RECQL5: variants seen among roughly 807,000 people sequenced by gnomAD.
RECQL5 encodes RecQ like helicase 5, also known as ATP-dependent DNA helicase Q5.
In RECQL5, 88 loss-of-function variants were observed where a neutral mutation model predicts 103.4. That is an observed-to-expected ratio of 0.85 (90% CI 0.72 to 1.02). The LOEUF is 1.02. Ranked by LOEUF, RECQL5 falls within the 50% of genes least tolerant of loss-of-function variation. The pLI is 0.00. For missense variants in RECQL5, 1,232 were observed against 1,284.3 expected (o/e 0.96, Z 0.62); for synonymous variants, 552 against 507.9 (o/e 1.09, Z -1.17).
At chr17:75,633,697 GT>G (rs1348437014) in intron 8 of RECQL5, 19 of 1,135,076 alleles carry the variant, frequency 1.7e-5, no homozygotes, top group Non-Finnish European at 4.4e-6. Context: ...GACAGAAGGG[GT>G]GGCCTTCCTG....
chr17:75,658,187 G>A (rs1291376441), intron 7 of RECQL5, 111 bp downstream of exon 7: 1 of 1,166,758 alleles, frequency 8.6e-7, no homozygotes. Context: ...CTTACAGGTT[G>A]GGAGCAGCCT....
Position 75,640,309 on chromosome 17 carries a change from AGT to A in RECQL5, c.1230-8643_1230-8642del. 1 of 1,549,516 alleles carries A rather than the reference AGT, an allele frequency of 6.5e-7. No individual in the cohort carries two copies. Among genetic ancestry groups the A allele is most frequent in the Non-Finnish European group, 8.7e-7 (1 of 1,146,046 alleles). On this transcript the variant is annotated intron_variant, in intron 8 of 19. Transcript: ENST00000317905. The surrounding 1 kb of genome is among the most constrained non-coding windows in gnomAD (Gnocchi z 4.6). The stretch of plus-strand genomic sequence containing the variant: ...AGCCCGTGGAGATCGTGGCCTTCTC[AGT>A]CATCATCCTTTTCACAGGTTAGTTG...
intron 5 of RECQL5, 97 bp downstream of exon 5, chr17:75,661,509 T>C: frequency 1.2e-6 from 1 of 809,546 alleles, no homozygotes; most frequent in South Asian, 1.5e-5. Flanking sequence ...TGCAATAAGA[T>C]GGTGGGTCAC....
chr17:75,636,380 G>A lies in RECQL5; in HGVS notation c.1230-4712C>T, dbSNP rs2148266682. On this transcript the variant is annotated intron_variant, in intron 8 of 19. Transcript: ENST00000317905. The surrounding 1 kb of genome is among the most constrained non-coding windows in gnomAD (Gnocchi z 5.4). Reference sequence around the variant, plus strand: ...TGGGTGAACCTGAGATAGAAAGACGGGAAAAATATGGGATCATCAGTAGCC... The same window carrying A: ...TGGGTGAACCTGAGATAGAAAGACGAGAAAAATATGGGATCATCAGTAGCC... Among the ~76,000 whole-genome samples, 1 of 152,300 alleles carries A rather than the reference G, an allele frequency of 6.6e-6. No homozygotes were observed. The highest frequency in any genetic ancestry group is 1.9e-4 in the East Asian group (1 of 5,192).
Position 75,628,245 on chromosome 17 carries a change from G to A in RECQL5, c.2778C>T (p.Phe926=). 2 of 1,614,170 alleles carry A rather than the reference G, an allele frequency of 1.2e-6. No homozygotes were observed. The highest frequency in any genetic ancestry group is 1.7e-6 in the Non-Finnish European group (2 of 1,180,030). The change falls in exon 18 of 20, where the codon TTC becomes TTT. Residue 926 remains phenylalanine (F), a synonymous_variant. Coordinates refer to ENST00000317905, the MANE Select transcript of RECQL5 (RefSeq NM_004259.7). The stretch of plus-strand genomic sequence containing the variant: ...TGGAAGCAAACTTGCCCTCCTTGTA[G>A]AAAGGGGTGAGGCACTTGACCACAA... The part of the protein sequence containing the change: ...ANVVVKCLTP[F]YKEGKFASKE...
chr17:75,640,960 C>A lies in RECQL5; in HGVS notation c.1230-9292G>T. ...TGGCCAATGCCATGACACAGGCCATCAGCCTGGCCCTGCAGCCCTTACCCC... is the reference window on the plus strand; with the variant it reads ...TGGCCAATGCCATGACACAGGCCATAAGCCTGGCCCTGCAGCCCTTACCCC... On this transcript the variant is annotated intron_variant, in intron 8 of 19. Transcript: ENST00000317905. The surrounding 1 kb of genome is among the most constrained non-coding windows in gnomAD (Gnocchi z 4.6). 1 of 1,524,200 alleles carries A rather than the reference C, an allele frequency of 6.6e-7. No homozygotes were observed. The highest frequency in any genetic ancestry group is 1.2e-5 in the South Asian group (1 of 83,300). 94.4% of individuals were successfully genotyped at this position (1,524,200 alleles called of 1,614,324 possible).
chr17:75,662,679 G>A lies in RECQL5; in HGVS notation c.571C>T (p.Leu191=), dbSNP rs1223702773. 6.2e-7 allele frequency: 1 copy of A among 1,614,092 alleles called. No homozygotes were observed. The highest frequency in any genetic ancestry group is 8.5e-7 in the Non-Finnish European group (1 of 1,180,030). The change falls in exon 4 of 20, where the codon CTG becomes TTG. Residue 191 remains leucine, a synonymous_variant. Coordinates refer to ENST00000317905, the MANE Select transcript of RECQL5 (RefSeq NM_004259.7). ...SRLGHAPCVA[L]TATATPQVQE... is the part of the protein sequence containing the mutation. ...ACCTGTGGGGTGGCTGTGGCGGTCA[G>A]AGCCACACAAGGGGCATGTCCCAGG...
In RECQL5 at chr17:75,629,427, A is replaced by G. The variant is rs760506804; in HGVS notation, c.1996T>C (p.Phe666Leu). 2.0e-6 allele frequency: 3 copies of G among 1,506,040 alleles called. No individual in the cohort carries two copies. Among genetic ancestry groups the G allele is most frequent in the Non-Finnish European group, 2.7e-6 (3 of 1,128,164 alleles). The allele number at this position is 1,506,040 out of a possible 1,614,324, so 93.3% of individuals were successfully genotyped here. ...GAGFPKGSCP[F>L]QTATELMETT... Reference sequence around the variant, plus strand: ...TCCATCAGTTCCGTGGCCGTCTGGAACGGGCAGGAGCCTTTGGGGAAACCA... The same window carrying G: ...TCCATCAGTTCCGTGGCCGTCTGGAGCGGGCAGGAGCCTTTGGGGAAACCA... Residue 666 changes from phenylalanine (F) to leucine (L), a missense_variant, in exon 16 of 20, where the codon TTC (phenylalanine) becomes CTC (leucine). Phe to Leu is a conservative substitution (Grantham distance 22). Transcript: ENST00000317905.
intron 7 of RECQL5, among the ~76,000 whole-genome samples, chr17:75,657,696 T>C (rs1302486748): frequency 4.1e-5 from 6 of 144,940 alleles, no homozygotes; most frequent in Non-Finnish European, 7.5e-5. Flanking sequence ...CTGTGAACCA[T>C]GACTATGCTA....
Position 75,628,305 on chromosome 17 carries a change from G to T in RECQL5, c.2718C>A (p.Ser906=). 2 of 1,614,154 alleles carry T rather than the reference G, an allele frequency of 1.2e-6. No individual in the cohort carries two copies. The highest frequency in any genetic ancestry group is 1.7e-6 in the Non-Finnish European group (2 of 1,180,036). Reference sequence around the variant, plus strand: ...CCTCCTTCAAGGAGACGCCAGGAGCGGAGAGCTGGAAGGGGTCTTGAGCCG... The same window carrying T: ...CCTCCTTCAAGGAGACGCCAGGAGCTGAGAGCTGGAAGGGGTCTTGAGCCG... ...NPTAQDPFQL[S]APGVSLKEAA... The change falls in exon 18 of 20, where the codon TCC becomes TCA. Residue 906 remains serine, a synonymous_variant. Coordinates refer to ENST00000317905, the MANE Select transcript of RECQL5 (RefSeq NM_004259.7).
chr17:75,655,637 T>C (rs1028803517), intron 7 of RECQL5, among the ~76,000 whole-genome samples: 4 of 152,210 alleles, frequency 2.6e-5, no homozygotes, highest in Admixed American at 2.6e-4. Context: ...GTGCTGGGAT[T>C]ACAGGCGTGA....
Position 75,662,107 on chromosome 17 carries a change from G to T in RECQL5, c.771+372C>A, listed in dbSNP as rs569740475. Among the ~76,000 whole-genome samples the T allele has an allele frequency of 2.6e-5, 4 of 152,192 alleles. No homozygotes were observed. The East Asian group carries it at 7.7e-4, about 29-fold the overall frequency. On this transcript the variant is annotated intron_variant, in intron 4 of 19. Transcript: ENST00000317905. ...ACCCAGGAGGCGGAGGTTGCGGTGA[G>T]CCAAGATTGCGCCATTGCACTCCAG...
At chr17:75,665,280 A>C (rs892724243) in intron 2 of RECQL5, 108 bp from the exon 3 acceptor site, 1 of 996,516 alleles carries the variant, frequency 1.0e-6, no homozygotes. Context: ...TGTCTGGCAC[A>C]TGGGAGGGTC....
rs1232758901 is a variant in RECQL5 at position 75,640,432 on chromosome 17, A to C, written c.1230-8764T>G. 7.0e-7 allele frequency: 1 copy of C among 1,433,442 alleles called. No homozygotes were observed. The highest frequency in any genetic ancestry group is 1.4e-5 in the African/African-American group (1 of 69,380). 88.8% of individuals were successfully genotyped at this position (1,433,442 alleles called of 1,614,324 possible). A position where few individuals can be genotyped will look rare whatever the true frequency, so the allele number is the denominator to read the frequency against. ...GGCAGAGGTGGCGGGTGTCTGCCGG[A>C]TCAAGGAGGAAAACCAGTTGTCCCT... On this transcript the variant is annotated intron_variant, in intron 8 of 19. Transcript: ENST00000317905. The surrounding 1 kb of genome is among the most constrained non-coding windows in gnomAD (Gnocchi z 4.6).
intron 12 of RECQL5, 25 bp from the exon 13 acceptor site, chr17:75,630,717 C>G: frequency 6.2e-7 from 1 of 1,609,890 alleles, no homozygotes; most frequent in Non-Finnish European, 8.5e-7. Context: ...TGAGACTGGT[C>G]GCATGGCCTC....
At chr17:75,635,954 G>T in intron 8 of RECQL5, 1 of 648,124 alleles carries the variant, frequency 1.5e-6, no homozygotes, top group Non-Finnish European at 1.9e-6. Context: ...CTGTTGCAAG[G>T]CTCCGTGTGC....
Position 75,649,952 on chromosome 17 carries a change from C to G in RECQL5, c.1229+1234G>C, listed in dbSNP as rs115634779. On this transcript the variant is annotated intron_variant, in intron 8 of 19. Coordinates refer to ENST00000317905, the MANE Select transcript of RECQL5 (RefSeq NM_004259.7). ...GCAGAGGCCCTTGGGAGGACCTGTT[C>G]CCTTGCCTGGCAGGCGGAGCAGACC... The G allele has an allele frequency of 2.3e-3, 2,241 of 985,550 alleles. 29 individuals carry two copies. In the African/African-American group the frequency reaches 0.027, roughly 12 times the overall value. 61.1% of individuals were successfully genotyped at this position (985,550 alleles called of 1,614,324 possible).
rs1034951551 is a variant in RECQL5, at chr17:75,640,740, C to T, written c.1230-9072G>A. ...TGGGTTTCTCTGGGAGGAGGGTGGG[C>T]ATCCTTTCTCTCCCCCAACCTGAGT... On this transcript the variant is annotated intron_variant, in intron 8 of 19. Coordinates refer to ENST00000317905, the MANE Select transcript of RECQL5 (RefSeq NM_004259.7). The surrounding 1 kb of genome is among the most constrained non-coding windows in gnomAD (Gnocchi z 4.6). 9.2e-6 allele frequency: 14 copies of T among 1,529,554 alleles called. No individual in the cohort carries two copies. The African/African-American group carries it at 1.9e-4, about 21-fold the overall frequency. 94.7% of individuals were successfully genotyped at this position (1,529,554 alleles called of 1,614,324 possible).
At chr17:75,666,406 G>A in intron 2 of RECQL5, 22 bp downstream of exon 2, 2 of 1,613,548 alleles carry the variant, frequency 1.2e-6, no homozygotes, top group East Asian at 2.2e-5. Flanking sequence ...AAATTTAAAG[G>A]AAGGTAGCTT....
Sources: allele counts gnomAD v4.1 joint callset (sites outside exome capture counted in the v4.1 genomes callset), GRCh38; gene constraint gnomAD v4.1.1; non-coding constraint Gnocchi (gnomAD v3.1); transcripts MANE v1.5; gene names NCBI Gene and HGNC (gene_info 2026-07-23, HGNC 2026-07-21).